Variants in STXBP4 observed in about 807,000 individuals in gnomAD.
STXBP4 encodes syntaxin-binding protein 4.
In STXBP4, 55 loss-of-function variants were observed where a neutral mutation model predicts 76.1. The observed-to-expected ratio is 0.72, with a 90% CI of 0.58 to 0.91. The LOEUF is 0.91. Ranked by LOEUF, STXBP4 falls within the 40% of genes least tolerant of loss-of-function variation. The probability of loss-of-function intolerance (pLI) is 0.00; values close to 1 mark genes in which losing one functional copy is unlikely to be tolerated. For missense variants in STXBP4, 618 were observed against 636.9 expected (o/e 0.97, Z 0.32); for synonymous variants, 201 against 220.2 (o/e 0.91, Z 0.77).
At chr17:55,203,104 A>G in the STXBP4 span, among the ~76,000 whole-genome samples, 271 of 152,230 alleles carry the variant, frequency 1.8e-3, no homozygotes, top group Non-Finnish European at 3.5e-3. Flanking sequence ...ATGCTCTTTC[A>G]CTTCTTTATG....
rs33998936 is a variant in STXBP4 at position 54,999,771 on chromosome 17, C to T, written c.427C>T (p.Pro143Ser). 994 of 1,613,234 alleles carry T rather than the reference C, an allele frequency of 6.2e-4. 4 individuals are homozygous for T. In the African/African-American group the frequency reaches 0.011, roughly 18 times the overall value. Reference protein sequence around the residue: ...QASTLSLFSSPPEILIPKTSS... With the variant: ...QASTLSLFSSSPEILIPKTSS... The stretch of plus-strand genomic sequence containing the variant: ...CTCAACATTAAGTCTTTTTTCTTCT[C>T]CTCCTGAAATACTAATCCCAAAGAC... The change falls in exon 6 of 18, where the codon CCT (proline) becomes TCT (serine). Residue 143 changes from proline to serine, a missense_variant. Transcript: ENST00000376352.
chr17:55,111,282 T>C (rs939400023), intron 16 of STXBP4, among the ~76,000 whole-genome samples: 3 of 152,162 alleles, frequency 2.0e-5, no homozygotes, highest in Non-Finnish European at 4.4e-5. Context: ...CCTTCCTTTT[T>C]GGCCCTAACT....
intron 1 of STXBP4, among the ~76,000 whole-genome samples, chr17:54,978,636 A>C (rs888182661): frequency 1.3e-5 from 2 of 152,176 alleles, no homozygotes; most frequent in Non-Finnish European, 2.9e-5. Context: ...GAAAGAGCTG[A>C]TATTTAGATG....
chr17:55,092,000 C>G (rs1567757798), intron 16 of STXBP4, among the ~76,000 whole-genome samples: 1 of 152,262 alleles, frequency 6.6e-6, no homozygotes, highest in East Asian at 1.9e-4. Context: ...TAAGGGTACT[C>G]AACCTGTAAT....
Position 55,129,038 on chromosome 17 carries a change from T to C in STXBP4, c.1490-12272T>C, listed in dbSNP as rs1421824993. The stretch of plus-strand genomic sequence containing the variant: ...TCCATCTCCTGGGTTCAAGTGATTC[T>C]CCTGCCTCAGCCTCCTGAGTAGCTG... On this transcript the variant is annotated intron_variant, in intron 16 of 17. Transcript: ENST00000376352. Among the ~76,000 whole-genome samples, 3 of 150,530 alleles carry C rather than the reference T, an allele frequency of 2.0e-5. No homozygotes were observed. The East Asian group carries it at 6.0e-4, about 30-fold the overall frequency.
rs112654972 is a variant in STXBP4, at chr17:54,990,740, G to C, written c.48-85G>C. On this transcript the variant is annotated intron_variant, in intron 3 of 17. Transcript: ENST00000376352. Reference sequence around the variant, plus strand: ...TGAGGGGTTGCTGCTCTAGATCTCAGATTTTGATTTAATAAGTAGTTTAAA... The same window carrying C: ...TGAGGGGTTGCTGCTCTAGATCTCACATTTTGATTTAATAAGTAGTTTAAA... 1.1e-4 allele frequency: 155 copies of C among 1,468,836 alleles called. 1 individual carries two copies. In the Middle Eastern group the frequency reaches 1.1e-3, roughly 10 times the overall value. The allele number at this position is 1,468,836 out of a possible 1,614,324, so 91.0% of individuals were successfully genotyped here.
intron 8 of STXBP4, among the ~76,000 whole-genome samples, chr17:55,029,753 A>T (rs774358706): frequency 1.3e-5 from 2 of 152,034 alleles, no homozygotes; most frequent in Non-Finnish European, 2.9e-5. Context: ...TACCCTATAC[A>T]TACTTCTATT....
chr17:55,133,984 A>G (rs2079999923), intron 16 of STXBP4, among the ~76,000 whole-genome samples: 1 of 152,216 alleles, frequency 6.6e-6, no homozygotes, highest in Non-Finnish European at 1.5e-5. Context: ...AGGGCAAGAC[A>G]AAGTTTTGTC....
At chr17:55,143,789 AT>A (rs1179733861) in intron 17 of STXBP4, among the ~76,000 whole-genome samples, 2 of 152,204 alleles carry the variant, frequency 1.3e-5, no homozygotes, top group South Asian at 2.1e-4. Context: ...AAGTCCATCA[AT>A]TTTTTGTTTC....
the STXBP4 span, among the ~76,000 whole-genome samples, chr17:55,208,839 T>C: frequency 6.6e-6 from 1 of 151,878 alleles, no homozygotes; most frequent in Non-Finnish European, 1.5e-5. Flanking sequence ...TCCAGCACTT[T>C]GGGATGCCAA....
chr17:55,173,194 G>GA lies in STXBP4; in HGVS notation c.*13289dup, dbSNP rs1488928429. On this transcript the variant is annotated 3_prime_UTR_variant, in exon 18 of 18. Transcript: ENST00000376352. Reference sequence around the variant, plus strand: ...TTAAAGTTTATTATTTTTTAATGCAGAAAAAAGTGACTTTTGGGGGAGTGC... The same window carrying GA: ...TTAAAGTTTATTATTTTTTAATGCAGAAAAAAAGTGACTTTTGGGGGAGTGC... 6.6e-6 allele frequency: 1 copy of GA among 152,124 alleles called. No homozygotes were observed. Among genetic ancestry groups the GA allele is most frequent in the Non-Finnish European group, 1.5e-5 (1 of 68,022 alleles). The allele number at this position is 152,124 out of a possible 1,614,324, so 9.4% of individuals were successfully genotyped here. A position where few individuals can be genotyped will look rare whatever the true frequency, so the allele number is the denominator to read the frequency against.
rs1424038552 is a variant in STXBP4, at chr17:55,164,605, C to T, written c.*4694C>T. 1.3e-5 allele frequency: 2 copies of T among 151,030 alleles called. No individual in the cohort carries two copies. The highest frequency in any genetic ancestry group is 4.9e-5 in the African/African-American group (2 of 41,136). 9.4% of individuals were successfully genotyped at this position (151,030 alleles called of 1,614,324 possible). A position where few individuals can be genotyped will look rare whatever the true frequency, so the allele number is the denominator to read the frequency against. The stretch of plus-strand genomic sequence containing the variant: ...AGCTGGGACTACAGGCGCCCGCCAC[C>T]GCGCCCGGCTAATTTTTTTTGTATT... On this transcript the variant is annotated 3_prime_UTR_variant, in exon 18 of 18. Coordinates refer to ENST00000376352, the MANE Select transcript of STXBP4 (RefSeq NM_178509.6).
chr17:55,166,412 ATTGCTTC>A lies in STXBP4; in HGVS notation c.*6503_*6509del, dbSNP rs1567790074. 1 of 152,088 alleles carries A rather than the reference ATTGCTTC, an allele frequency of 6.6e-6. No homozygotes were observed. The highest frequency in any genetic ancestry group is 6.5e-5 in the Admixed American group (1 of 15,276). 9.4% of individuals were successfully genotyped at this position (152,088 alleles called of 1,614,324 possible). A position where few individuals can be genotyped will look rare whatever the true frequency, so the allele number is the denominator to read the frequency against. On this transcript the variant is annotated 3_prime_UTR_variant, in exon 18 of 18. Transcript: ENST00000376352. ...CAGAATTATCTTTCTATAACACAAA[ATTGCTTC>A]TATTCCTCCCTTGCTAGTCTTCAGT...
the STXBP4 span, among the ~76,000 whole-genome samples, chr17:55,209,505 T>C: frequency 6.6e-6 from 1 of 152,192 alleles, no homozygotes; most frequent in Non-Finnish European, 1.5e-5. Context: ...CTTGGGCAAG[T>C]TGTGCCTCAC....
intron 9 of STXBP4, 136 bp from the exon 10 acceptor site, chr17:55,034,032 C>A: frequency 1.8e-6 from 1 of 549,712 alleles, no homozygotes; most frequent in Non-Finnish European, 3.2e-6. Context: ...ATTACATTTA[C>A]CTATCACTTC....
Position 55,141,306 on chromosome 17 carries a change from G to A in STXBP4, c.1490-4G>A, listed in dbSNP as rs768238689. On this transcript the variant is annotated splice_polypyrimidine_tract_variant and splice_region_variant and intron_variant, in intron 16 of 17. Coordinates refer to ENST00000376352, the MANE Select transcript of STXBP4 (RefSeq NM_178509.6). ...AATATATTTTTGGTTTCCTTTCACTGTAGGTTTACCTTATGGGTGGGAGGA... is the reference window on the plus strand; with the variant it reads ...AATATATTTTTGGTTTCCTTTCACTATAGGTTTACCTTATGGGTGGGAGGA... 7 of 1,609,878 alleles carry A rather than the reference G, an allele frequency of 4.3e-6. No individual in the cohort carries two copies. In the South Asian group the frequency reaches 6.6e-5, roughly 15 times the overall value.
intron 9 of STXBP4, among the ~76,000 whole-genome samples, chr17:55,032,671 G>C (rs1015739388): frequency 1.3e-5 from 2 of 152,168 alleles, no homozygotes; most frequent in East Asian, 3.8e-4. Flanking sequence ...ATATTCCTTT[G>C]AGAAATTAAA....
chr17:55,061,165 G>C (rs893843021), intron 12 of STXBP4, among the ~76,000 whole-genome samples: 3 of 152,194 alleles, frequency 2.0e-5, no homozygotes, highest in African/African-American at 7.2e-5. Context: ...GTAACAGCTA[G>C]TGCAGCTGAC....
Position 54,990,898 on chromosome 17 carries a change from C to A in STXBP4, c.121C>A (p.Arg41=). The part of the protein sequence containing the change: ...LGLKVLGGIN[R]NEGPLVYIQE... Reference sequence around the variant, plus strand: ...CCTGAAGGTACTAGGAGGAATTAACCGGAATGAAGGCCCATTGGTATATAT... The same window carrying A: ...CCTGAAGGTACTAGGAGGAATTAACAGGAATGAAGGCCCATTGGTATATAT... Residue 41 remains arginine, a synonymous_variant, in exon 4 of 18, where the codon CGG becomes AGG. Coordinates refer to ENST00000376352, the MANE Select transcript of STXBP4 (RefSeq NM_178509.6). The A allele has an allele frequency of 1.2e-6, 2 of 1,603,650 alleles. No homozygotes were observed. The highest frequency in any genetic ancestry group is 1.1e-5 in the South Asian group (1 of 89,094).
Sources: gnomAD v4.1 joint callset for allele counts (sites outside exome capture counted in the v4.1 genomes callset) on GRCh38, gnomAD v4.1.1 for gene constraint, MANE v1.5 for transcripts, NCBI Gene and HGNC (gene_info 2026-07-23, HGNC 2026-07-21) for gene names.